ACMSD: variants seen among roughly 807,000 people sequenced by gnomAD.
ACMSD encodes the protein 2-amino-3-carboxymuconate-6-semialdehyde decarboxylase.
ACMSD carries 37 observed loss-of-function variants against 45.9 expected under a neutral mutation model. That is an observed-to-expected ratio of 0.81 (90% confidence interval 0.62 to 1.06). The LOEUF (loss-of-function observed/expected upper bound fraction) is 1.06, where lower values mean the gene tolerates loss of function less well. Among genes scored for constraint, ACMSD ranks in the 50% least tolerant of loss-of-function variants. ACMSD has a pLI of 0.00. For missense variants in ACMSD, 434 were observed against 420.9 expected, an observed-to-expected ratio of 1.03 and a Z score of -0.27; for synonymous variants, 138 against 148.8, an observed-to-expected ratio of 0.93 and a Z score of 0.53.
chr2:134,864,716 G>T (rs1363815152), intron 5 of ACMSD, among the ~76,000 whole-genome samples: 1 of 152,154 alleles, frequency 6.6e-6, no homozygotes, highest in South Asian at 2.1e-4. Context: ...ACTAGGTGGT[G>T]GGTATAGGGA....
chr2:134,901,106 G>GAC (rs1176861915), intron 9 of ACMSD, among the ~76,000 whole-genome samples: 2 of 152,024 alleles, frequency 1.3e-5, no homozygotes, highest in Non-Finnish European at 2.9e-5. Context: ...AATATAGAAG[G>GAC]ACACATTAAT....
At chr2:134,882,866 G>C (rs1158403445) in intron 8 of ACMSD, among the ~76,000 whole-genome samples, 1 of 152,190 alleles carries the variant, frequency 6.6e-6, no homozygotes, top group Non-Finnish European at 1.5e-5. Flanking sequence ...AAAAGTTCAT[G>C]CATCCCAGCA....
intron 8 of ACMSD, among the ~76,000 whole-genome samples, chr2:134,891,380 A>G (rs1689774993): frequency 6.6e-6 from 1 of 152,096 alleles, no homozygotes; most frequent in Admixed American, 6.6e-5. Flanking sequence ...ATTTATTGAA[A>G]AAGGTGTCCT....
chr2:134,859,387 A>ACT, intron 3 of ACMSD, 30 bp downstream of exon 3: 2 of 1,603,296 alleles, frequency 1.2e-6, no homozygotes, highest in Non-Finnish European at 1.7e-6. Flanking sequence ...CAATGTTAGC[A>ACT]TCTGATGTAA....
chr2:134,885,290 T>TATGTATATA (rs374618397), intron 8 of ACMSD, among the ~76,000 whole-genome samples: 1 of 45,434 alleles, frequency 2.2e-5, no homozygotes, highest in African/African-American at 1.1e-4. Context: ...ATATATTATA[T>TATGTATATA]TTATATATAT....
At chr2:134,842,470 C>G (rs1432402680) in intron 1 of ACMSD, among the ~76,000 whole-genome samples, 2 of 152,086 alleles carry the variant, frequency 1.3e-5, no homozygotes, top group African/African-American at 4.8e-5. Context: ...AACTGCCACC[C>G]CTACCACCAT....
chr2:134,875,794 G>A (rs566233008), intron 8 of ACMSD, among the ~76,000 whole-genome samples: 32 of 152,224 alleles, frequency 2.1e-4, no homozygotes, highest in African/African-American at 5.1e-4. Context: ...GTAACCTACC[G>A]CTGCATAATT....
intron 8 of ACMSD, chr2:134,877,700 A>AGG (rs143425120): frequency 7.4e-6 from 1 of 135,320 alleles, no homozygotes; most frequent in Non-Finnish European, 1.6e-5. Context: ...AGGGAAGAAG[A>AGG]GGGGGGGGAA....
rs773352992 is a variant in ACMSD at position 134,838,654 on chromosome 2, T to G, written c.-29T>G. 6.3e-7 allele frequency: 1 copy of G among 1,595,672 alleles called. No individual in the cohort carries two copies. The highest frequency in any genetic ancestry group is 8.6e-7 in the Non-Finnish European group (1 of 1,168,144). ...AGGTCTCTTGATATCAAAACTTCTT[T>G]CCTTGCATGCTTCTCTGATCCTGTG... On this transcript the variant is annotated 5_prime_UTR_variant, in exon 1 of 10. Coordinates refer to ENST00000356140, the MANE Select transcript of ACMSD (RefSeq NM_138326.3).
intron 8 of ACMSD, among the ~76,000 whole-genome samples, chr2:134,885,632 C>T (rs1689393683): frequency 6.7e-6 from 1 of 150,098 alleles, no homozygotes; most frequent in African/African-American, 2.5e-5. Flanking sequence ...CTCAAAAGTC[C>T]AATTCAAAGA....
intron 9 of ACMSD, among the ~76,000 whole-genome samples, chr2:134,901,231 T>C (rs544596428): frequency 6.6e-6 from 1 of 152,360 alleles, no homozygotes; most frequent in East Asian, 1.9e-4. Flanking sequence ...CTTAAATCTC[T>C]TCTTTCAGCA....
chr2:134,895,338 A>ATATGTTATATATATATATATT (rs1553517011), intron 8 of ACMSD, among the ~76,000 whole-genome samples: 12 of 145,428 alleles, frequency 8.3e-5, no homozygotes, highest in South Asian at 2.1e-4. Context: ...TTATATATAT[A>ATATGTTATATATATATATATT]ATATATATAT....
chr2:134,857,984 A>G, intron 2 of ACMSD: 1 of 151,990 alleles, frequency 6.6e-6, no homozygotes. Context: ...TTCCTGAGAA[A>G]AAGTAAAAAT....
At chr2:134,849,900 G>A (rs188110734) in intron 2 of ACMSD, among the ~76,000 whole-genome samples, 5 of 151,676 alleles carry the variant, frequency 3.3e-5, no homozygotes, top group East Asian at 1.9e-4. Flanking sequence ...ACACAGGCCC[G>A]TTTCAAAGCC....
chr2:134,863,286 G>A, intron 4 of ACMSD, 109 bp from the exon 5 acceptor site: 1 of 1,150,666 alleles, frequency 8.7e-7, no homozygotes, highest in Non-Finnish European at 1.3e-6. Flanking sequence ...ATGTGGTAAA[G>A]CCACTGAAAA....
intron 8 of ACMSD, among the ~76,000 whole-genome samples, chr2:134,888,135 C>T (rs1468390197): frequency 6.6e-6 from 1 of 152,094 alleles, no homozygotes; most frequent in Non-Finnish European, 1.5e-5. Flanking sequence ...TGACAAAGGA[C>T]TTATATCCAA....
intron 8 of ACMSD, among the ~76,000 whole-genome samples, chr2:134,897,886 T>G (rs1690256852): frequency 7.7e-6 from 1 of 129,828 alleles, no homozygotes; most frequent in Non-Finnish European, 1.6e-5. Flanking sequence ...TTTGTTTTTG[T>G]TTTTTTTTTT....
Position 134,840,166 on chromosome 2 carries a change from G to GAAAAAA in ACMSD, c.57+1427_57+1428insAAAAAA, listed in dbSNP as rs1559034706. Among the ~76,000 whole-genome samples, 24 of 12,046 alleles carry GAAAAAA rather than the reference G, an allele frequency of 2.0e-3. 2 individuals carry two copies. Among genetic ancestry groups the GAAAAAA allele is most frequent in the African/African-American group, 8.9e-3 (24 of 2,702 alleles). 7.9% of individuals were successfully genotyped at this position (12,046 alleles called of 152,430 possible). Reference sequence around the variant, plus strand: ...TTAAAATAGCCATAAACTATACCTAGCAAAAAAAAAAAAAAAAAAAAAAAA... The same window carrying GAAAAAA: ...TTAAAATAGCCATAAACTATACCTAGAAAAAACAAAAAAAAAAAAAAAAAAAAAAAA... On this transcript the variant is annotated intron_variant, in intron 1 of 9. Transcript: ENST00000356140.
At position 134,876,254 on chromosome 2, in the gene ACMSD, T is replaced by A. The variant is rs1688726085; in HGVS notation, c.849+3613T>A. 1.3e-5 allele frequency among the ~76,000 whole-genome samples: 2 copies of A among 152,268 alleles called. 1 individual carries two copies. Among genetic ancestry groups the A allele is most frequent in the South Asian group, 4.1e-4 (2 of 4,822 alleles). On this transcript the variant is annotated intron_variant, in intron 8 of 9. Transcript: ENST00000356140. Reference sequence around the variant, plus strand: ...AAGCTACACTAAATTTTTTAAAAATTTTCTTTCTTCAATAATAAATTAAAT... The same window carrying A: ...AAGCTACACTAAATTTTTTAAAAATATTCTTTCTTCAATAATAAATTAAAT...
Sources: gnomAD v4.1 joint callset for allele counts (sites outside exome capture counted in the v4.1 genomes callset) on GRCh38, gnomAD v4.1.1 for gene constraint, MANE v1.5 for transcripts, NCBI Gene and HGNC (gene_info 2026-07-23, HGNC 2026-07-21) for gene names.